The following C12orf54 variants were observed in gnomAD, a reference collection of about 807,000 sequenced individuals.
C12orf54 encodes the protein uncharacterized protein C12orf54.
A neutral mutation model predicts 26.4 loss-of-function variants in C12orf54; 24 were observed. The observed-to-expected ratio is 0.91, with a 90% CI of 0.66 to 1.28. C12orf54 has a LOEUF of 1.28. Among genes scored for constraint, C12orf54 ranks in the 50% most tolerant of loss-of-function variants. The pLI is 0.00. For synonymous variants in C12orf54, 54 were observed against 47.0 expected (o/e 1.15, Z -0.61); for missense variants, 154 against 150.9 (o/e 1.02, Z -0.11).
the C12orf54 span, among the ~76,000 whole-genome samples, chr12:48,449,382 G>A: frequency 2.0e-5 from 3 of 152,068 alleles, no homozygotes; most frequent in African/African-American, 7.2e-5. Context: ...AAATACTTTC[G>A]TTTTCTTTTT....
the C12orf54 span, among the ~76,000 whole-genome samples, chr12:48,468,199 G>A: frequency 6.6e-6 from 1 of 152,148 alleles, no homozygotes; most frequent in Non-Finnish European, 1.5e-5. Context: ...CAGAGTAAAG[G>A]GCAAGTGGTG....
At chr12:48,437,862 T>C in the C12orf54 span, among the ~76,000 whole-genome samples, 1 of 152,074 alleles carries the variant, frequency 6.6e-6, no homozygotes, top group African/African-American at 2.4e-5. Flanking sequence ...ATGCCCTCTC[T>C]CACCACTCCT....
At chr12:48,488,577 C>G (rs1355199343) in intron 4 of C12orf54, 1 of 386,290 alleles carries the variant, frequency 2.6e-6, no homozygotes, top group African/African-American at 2.1e-5. Context: ...AAATAAATAC[C>G]TGTTGATTTG....
At chr12:48,461,032 TTAAATA>T in the C12orf54 span, among the ~76,000 whole-genome samples, 2 of 151,968 alleles carry the variant, frequency 1.3e-5, no homozygotes, top group Non-Finnish European at 2.9e-5. Context: ...GAAACCCACT[TTAAATA>T]TAATACCACA....
At chr12:48,473,152 T>C in the C12orf54 span, 1 of 1,565,898 alleles carries the variant, frequency 6.4e-7, no homozygotes, top group Non-Finnish European at 8.8e-7. Flanking sequence ...GGTGAGGGCT[T>C]TGTGGAGTGC....
the C12orf54 span, among the ~76,000 whole-genome samples, chr12:48,437,888 G>A: frequency 6.6e-6 from 1 of 152,086 alleles, no homozygotes; most frequent in African/African-American, 2.4e-5. Flanking sequence ...ACATAGTGTT[G>A]GAAGTTCTGG....
chr12:48,466,646 A>C, the C12orf54 span, among the ~76,000 whole-genome samples: 7 of 152,184 alleles, frequency 4.6e-5, no homozygotes, highest in Non-Finnish European at 1.0e-4. Context: ...CTACACACCT[A>C]TTAGGATATT....
At chr12:48,424,984 A>C in the C12orf54 span, among the ~76,000 whole-genome samples, 2,621 of 152,246 alleles carry the variant, frequency 0.017, 80 homozygotes, top group African/African-American at 0.059. Flanking sequence ...TGATTAATAC[A>C]TATATACATT....
chr12:48,476,259 A>T, the C12orf54 span, among the ~76,000 whole-genome samples: 1 of 152,240 alleles, frequency 6.6e-6, no homozygotes, highest in Non-Finnish European at 1.5e-5. Flanking sequence ...TAAACATAGA[A>T]AGGAACAACC....
the C12orf54 span, among the ~76,000 whole-genome samples, chr12:48,474,825 G>A: frequency 6.6e-6 from 1 of 152,244 alleles, no homozygotes; most frequent in Non-Finnish European, 1.5e-5. Flanking sequence ...TAGGGGCAGG[G>A]CACAGACAAA....
the C12orf54 span, among the ~76,000 whole-genome samples, chr12:48,415,908 G>A: frequency 6.6e-6 from 1 of 151,940 alleles, no homozygotes; most frequent in East Asian, 1.9e-4. Flanking sequence ...CTCAAGTTTC[G>A]CCTTCCTAAT....
chr12:48,467,269 C>T, the C12orf54 span, among the ~76,000 whole-genome samples: 120 of 152,254 alleles, frequency 7.9e-4, no homozygotes, highest in African/African-American at 2.9e-3. Flanking sequence ...AAAAGAGAAG[C>T]TTGGAACCCA....
At chr12:48,431,991 C>A in the C12orf54 span, among the ~76,000 whole-genome samples, 3 of 151,956 alleles carry the variant, frequency 2.0e-5, no homozygotes, top group African/African-American at 7.3e-5. Context: ...CAATAAAGTT[C>A]TTAAAAAGAA....
the C12orf54 span, among the ~76,000 whole-genome samples, chr12:48,446,519 A>C: frequency 6.6e-6 from 1 of 152,198 alleles, no homozygotes; most frequent in Non-Finnish European, 1.5e-5. Context: ...AGTTGGCCAA[A>C]GGGATGGCAA....
the C12orf54 span, among the ~76,000 whole-genome samples, chr12:48,419,234 C>T: frequency 1.3e-5 from 2 of 152,104 alleles, no homozygotes; most frequent in African/African-American, 2.4e-5. Context: ...GCAGGATATA[C>T]GAAAATAAAC....
the C12orf54 span, among the ~76,000 whole-genome samples, chr12:48,471,212 C>T: frequency 1.3e-5 from 2 of 152,040 alleles, no homozygotes; most frequent in East Asian, 3.9e-4. Context: ...TCTTTCTGTG[C>T]CTGGCTTATT....
chr12:48,427,805 C>T, the C12orf54 span, among the ~76,000 whole-genome samples: 1 of 152,046 alleles, frequency 6.6e-6, no homozygotes, highest in Admixed American at 6.6e-5. Flanking sequence ...TTAAACTATA[C>T]CTTGGAACAA....
At position 48,486,199 on chromosome 12, in the gene C12orf54, G is replaced by C; in HGVS notation, c.87G>C (p.Met29Ile). The change falls in exon 3 of 9, where the codon ATG (methionine) becomes ATC (isoleucine). Residue 29 changes from methionine (M) to isoleucine (I), a missense_variant. By Grantham distance (10) the Met-to-Ile change is conservative. Coordinates refer to ENST00000548364, the MANE Select transcript of C12orf54 (RefSeq NM_152319.4). ...GCAGCACATCCATAGAAGAGACAAT[G>C]AGACCACAGGTGGGTAAGGTATCCA... is the stretch of plus-strand genomic sequence containing the variant. ...QQRSTSIEET[M>I]RPQEKQVTIT... The C allele has an allele frequency of 6.2e-7, 1 of 1,610,912 alleles. No individual in the cohort carries two copies. The highest frequency in any genetic ancestry group is 8.5e-7 in the Non-Finnish European group (1 of 1,177,044).
the C12orf54 span, among the ~76,000 whole-genome samples, chr12:48,463,986 G>C: frequency 1.3e-5 from 2 of 152,126 alleles, no homozygotes; most frequent in Middle Eastern, 6.8e-3. Flanking sequence ...ATACTGAATA[G>C]CCAAAAGCTA....
Sources: gnomAD v4.1 joint callset for allele counts (sites outside exome capture counted in the v4.1 genomes callset) on GRCh38, gnomAD v4.1.1 for gene constraint, MANE v1.5 for transcripts, NCBI Gene and HGNC (gene_info 2026-07-23, HGNC 2026-07-21) for gene names.